The following EPHA3 variants were observed in gnomAD, a reference collection of about 807,000 sequenced individuals.
EPHA3 encodes ephrin type-A receptor 3.
In EPHA3, 42 loss-of-function variants were observed where a neutral mutation model predicts 107.1. That is an observed-to-expected ratio of 0.39 (90% CI 0.31 to 0.51). The LOEUF (loss-of-function observed/expected upper bound fraction) is 0.51. Ranked by LOEUF, EPHA3 falls within the 20% of genes least tolerant of loss-of-function variation. EPHA3 has a pLI of 0.78. For missense variants in EPHA3, 1,183 were observed against 1,211.2 expected, an observed-to-expected ratio of 0.98 and a Z score of 0.35; for synonymous variants, 461 against 424.8, an observed-to-expected ratio of 1.09 and a Z score of -1.05.
At chr3:89,425,975 T>C (rs1399710155) in intron 11 of EPHA3, among the ~76,000 whole-genome samples, 1 of 151,720 alleles carries the variant, frequency 6.6e-6, no homozygotes, top group Non-Finnish European at 1.5e-5. Flanking sequence ...GATCATCATT[T>C]TATCTAAACT....
At chr3:89,164,889 G>A (rs1219510393) in intron 2 of EPHA3, among the ~76,000 whole-genome samples, 1 of 152,058 alleles carries the variant, frequency 6.6e-6, no homozygotes, top group African/African-American at 2.4e-5. Flanking sequence ...TTAAAATGGA[G>A]GTGTATTTAC....
chr3:89,459,467 CTCCT>C (rs1710172466), intron 15 of EPHA3, among the ~76,000 whole-genome samples: 1 of 145,308 alleles, frequency 6.9e-6, no homozygotes, highest in South Asian at 2.2e-4. Context: ...CCTTCTTTCT[CTCCT>C]TCCTTCTCTC....
intron 5 of EPHA3, among the ~76,000 whole-genome samples, chr3:89,352,763 C>A (rs1190778334): frequency 6.7e-6 from 1 of 150,202 alleles, no homozygotes; most frequent in Non-Finnish European, 1.5e-5. Context: ...ATTAGCCAGG[C>A]ATGATGGCAG....
intron 3 of EPHA3, among the ~76,000 whole-genome samples, chr3:89,292,662 TC>T (rs1706243007): frequency 6.6e-6 from 1 of 152,192 alleles, no homozygotes; most frequent in Non-Finnish European, 1.5e-5. Flanking sequence ...GCATATCAAT[TC>T]AGAACCCTAT....
At chr3:89,269,646 C>T (rs923055311) in intron 3 of EPHA3, among the ~76,000 whole-genome samples, 12 of 150,062 alleles carry the variant, frequency 8.0e-5, no homozygotes, top group African/African-American at 2.7e-4. Flanking sequence ...GGTACATGTG[C>T]ACATTGTGCA....
At chr3:89,159,962 T>C (rs1215056069) in intron 2 of EPHA3, among the ~76,000 whole-genome samples, 1 of 152,044 alleles carries the variant, frequency 6.6e-6, no homozygotes, top group East Asian at 1.9e-4. Context: ...TCCTTCTTCC[T>C]ATTTTTGTAT....
At chr3:89,457,622 G>A (rs899310706) in intron 15 of EPHA3, among the ~76,000 whole-genome samples, 6 of 152,142 alleles carry the variant, frequency 3.9e-5, no homozygotes, top group South Asian at 4.1e-4. Context: ...GGACCGCTGC[G>A]ATAGATGATT....
chr3:89,121,168 G>A (rs1270297135), intron 1 of EPHA3, among the ~76,000 whole-genome samples: 2 of 152,090 alleles, frequency 1.3e-5, no homozygotes, highest in African/African-American at 2.4e-5. Flanking sequence ...CCTGTTAGGC[G>A]GAGCTGGCAG....
chr3:89,199,674 C>T (rs1207510029), intron 2 of EPHA3, among the ~76,000 whole-genome samples: 5 of 151,976 alleles, frequency 3.3e-5, no homozygotes, highest in Admixed American at 6.6e-5. Context: ...CTATTTTCAC[C>T]CTCTATTTCA....
intron 15 of EPHA3, among the ~76,000 whole-genome samples, chr3:89,460,186 A>G (rs921333496): frequency 1.3e-5 from 2 of 152,150 alleles, no homozygotes; most frequent in East Asian, 1.9e-4. Flanking sequence ...TGTGTGTAAA[A>G]TGAAATAGAG....
chr3:89,284,160 T>C (rs557354684), intron 3 of EPHA3, among the ~76,000 whole-genome samples: 1 of 152,192 alleles, frequency 6.6e-6, no homozygotes, highest in Non-Finnish European at 1.5e-5. Flanking sequence ...GAATGTGTTC[T>C]GGATTATGTA....
intron 3 of EPHA3, among the ~76,000 whole-genome samples, chr3:89,265,906 A>G (rs988550847): frequency 1.3e-5 from 2 of 152,180 alleles, no homozygotes; most frequent in African/African-American, 4.8e-5. Context: ...TCTGTAAGAT[A>G]TACACAAGGT....
Position 89,341,031 on chromosome 3 carries a change from C to T in EPHA3, c.930C>T (p.Tyr310=), listed in dbSNP as rs2107417484. ...TGAACTGCAGGTGTGAGAATAATTACTTCCGGGCAGACAAAGACCCTCCAT... is the reference window on the plus strand; with the variant it reads ...TGAACTGCAGGTGTGAGAATAATTATTTCCGGGCAGACAAAGACCCTCCAT... ...GSMNCRCENN[Y]FRADKDPPSM... The change falls in exon 4 of 17, where the codon TAC becomes TAT. Residue 310 remains tyrosine, a synonymous_variant. Transcript: ENST00000336596. 1.2e-6 allele frequency: 2 copies of T among 1,614,134 alleles called. No homozygotes were observed. Among genetic ancestry groups the T allele is most frequent in the Non-Finnish European group, 8.5e-7 (1 of 1,180,010 alleles).
Position 89,379,650 on chromosome 3 carries a change from C to T in EPHA3, c.1307-16187C>T, listed in dbSNP as rs1296892382. On this transcript the variant is annotated intron_variant, in intron 5 of 16. Coordinates refer to ENST00000336596, the MANE Select transcript of EPHA3 (RefSeq NM_005233.6). Reference sequence around the variant, plus strand: ...ACAAAGACTGTGCTCTTTAAGAGTACGCCTATGTTACAAATAAGTTTCTGG... The same window carrying T: ...ACAAAGACTGTGCTCTTTAAGAGTATGCCTATGTTACAAATAAGTTTCTGG... Among the ~76,000 whole-genome samples the T allele has an allele frequency of 4.6e-5, 7 of 152,034 alleles. No individual in the cohort carries two copies. The East Asian group carries it at 5.8e-4, about 13-fold the overall frequency.
rs1709304574 is a variant in EPHA3, at chr3:89,419,069, G to A, written c.1889-136G>A. 3.8e-6 allele frequency: 3 copies of A among 798,192 alleles called. No individual in the cohort carries two copies. The Admixed American group carries it at 9.1e-5, about 24-fold the overall frequency. 49.4% of individuals were successfully genotyped at this position (798,192 alleles called of 1,614,324 possible). On this transcript the variant is annotated intron_variant, in intron 10 of 16. Coordinates refer to ENST00000336596, the MANE Select transcript of EPHA3 (RefSeq NM_005233.6). ...TGATTATCTTTCAAAATAATTTGGA[G>A]TACTAGAGTGTACATCTTGCAGGTC...
At position 89,110,891 on chromosome 3, in the gene EPHA3, A is replaced by G. The variant is rs1045270461; in HGVS notation, c.88+3055A>G. ...ATACTTTCTTTAAACACTTTTATAC[A>G]TTTATGGCAGTCTGGGGTACAATGC... On this transcript the variant is annotated intron_variant, in intron 1 of 16. Transcript: ENST00000336596. Among the ~76,000 whole-genome samples, 40 of 152,130 alleles carry G rather than the reference A, an allele frequency of 2.6e-4. 1 individual carries two copies. Among genetic ancestry groups the G allele is most frequent in the African/African-American group, 7.5e-4 (31 of 41,554 alleles).
chr3:89,430,110 A>C (rs566765582), intron 12 of EPHA3, among the ~76,000 whole-genome samples: 15 of 152,258 alleles, frequency 9.9e-5, no homozygotes, highest in African/African-American at 3.6e-4. Context: ...AATATATTAA[A>C]TTTACATCTA....
At chr3:89,415,802 C>T (rs1427570776) in intron 10 of EPHA3, among the ~76,000 whole-genome samples, 1 of 150,946 alleles carries the variant, frequency 6.6e-6, no homozygotes, top group African/African-American at 2.4e-5. Flanking sequence ...TTTTATTATC[C>T]TTTTTAGATA....
chr3:89,184,087 T>C (rs1705505318), intron 2 of EPHA3, among the ~76,000 whole-genome samples: 1 of 151,982 alleles, frequency 6.6e-6, no homozygotes, highest in Admixed American at 6.6e-5. Flanking sequence ...TTTCAAGATG[T>C]TGGTATTCTT....
Sources: allele counts gnomAD v4.1 joint callset (sites outside exome capture counted in the v4.1 genomes callset), GRCh38; gene constraint gnomAD v4.1.1; transcripts MANE v1.5; gene names NCBI Gene and HGNC (gene_info 2026-07-23, HGNC 2026-07-21).